Variants in ACACA observed in about 807,000 individuals in gnomAD.
ACACA encodes acetyl-CoA carboxylase 1.
Under a neutral mutation model 296.1 loss-of-function variants are expected in ACACA, and 103 were observed. That is an observed-to-expected ratio of 0.35 (90% CI 0.30 to 0.41). The LOEUF is 0.41. Among genes scored for constraint, ACACA ranks in the 10% least tolerant of loss-of-function variants. The pLI is 1.00. For synonymous variants in ACACA, 953 were observed against 1,038.6 expected, an observed-to-expected ratio of 0.92 and a Z score of 1.58; for missense variants, 1,554 against 2,989.7, an observed-to-expected ratio of 0.52 and a Z score of 11.20.
At chr17:37,144,309 C>G in intron 45 of ACACA, 1 of 552,466 alleles carries the variant, frequency 1.8e-6, no homozygotes, top group East Asian at 3.6e-5. Flanking sequence ...TGTTTTTCCA[C>G]AGCGAGGCAC....
At chr17:37,108,716 G>A (rs752450424) in intron 52 of ACACA, among the ~76,000 whole-genome samples, 4 of 152,140 alleles carry the variant, frequency 2.6e-5, no homozygotes, top group Non-Finnish European at 5.9e-5. Context: ...CAGTCAATCA[G>A]TTGTGCGCTG....
At chr17:37,226,598 A>T in intron 25 of ACACA, 146 bp from the exon 26 acceptor site, 1 of 776,588 alleles carries the variant, frequency 1.3e-6, no homozygotes, top group Non-Finnish European at 2.2e-6. Context: ...TTTTACCCTA[A>T]ACAATGTGGT....
chr17:37,294,459 G>A (rs559439128), intron 3 of ACACA, among the ~76,000 whole-genome samples: 2 of 152,268 alleles, frequency 1.3e-5, no homozygotes, highest in South Asian at 2.1e-4. Flanking sequence ...AACACATCTA[G>A]ACATGTATAG....
intron 2 of ACACA, among the ~76,000 whole-genome samples, chr17:37,336,943 A>T (rs183699768): frequency 6.6e-6 from 1 of 152,304 alleles, no homozygotes; most frequent in African/African-American, 2.4e-5. Flanking sequence ...CAGTTTACTC[A>T]CTTACAGAGA....
chr17:37,165,118 C>G (rs1383797933), intron 41 of ACACA, among the ~76,000 whole-genome samples: 1 of 148,462 alleles, frequency 6.7e-6, no homozygotes, highest in Non-Finnish European at 1.5e-5. Context: ...CGCCTCCCCA[C>G]CCCGCCCCGC....
chr17:37,109,724 G>A (rs1424053970), intron 52 of ACACA, among the ~76,000 whole-genome samples: 1 of 152,194 alleles, frequency 6.6e-6, no homozygotes, highest in Non-Finnish European at 1.5e-5. Context: ...GAAGGTGGGA[G>A]CGACATCACT....
intron 54 of ACACA, among the ~76,000 whole-genome samples, chr17:37,096,119 C>T (rs1309597616): frequency 6.6e-6 from 1 of 152,210 alleles, no homozygotes; most frequent in South Asian, 2.1e-4. Flanking sequence ...CATCTCCTGC[C>T]GATCACAACC....
chr17:37,381,697 A>T (rs4470189), intron 1 of ACACA, among the ~76,000 whole-genome samples: 1 of 138,716 alleles, frequency 7.2e-6, no homozygotes, highest in South Asian at 2.2e-4. Context: ...GTGCGATCTC[A>T]GCTCACTGCA....
At chr17:37,346,390 AGGG>A (rs2048620302) in intron 1 of ACACA, among the ~76,000 whole-genome samples, 1 of 142,444 alleles carries the variant, frequency 7.0e-6, no homozygotes, top group Admixed American at 7.3e-5. Context: ...AGATGGGAGG[AGGG>A]AAACGATAAG....
chr17:37,393,609 G>T (rs946612825), intron 1 of ACACA, among the ~76,000 whole-genome samples: 3 of 152,024 alleles, frequency 2.0e-5, no homozygotes, highest in Non-Finnish European at 4.4e-5. Flanking sequence ...TTGGGAGGCC[G>T]AGGTGGGCAG....
At chr17:37,130,043 G>T in intron 46 of ACACA, 32 bp downstream of exon 46, 1 of 1,613,856 alleles carries the variant, frequency 6.2e-7, no homozygotes, top group Non-Finnish European at 8.5e-7. Flanking sequence ...AGGCTCTGCA[G>T]GCCATGTCAG....
chr17:37,330,493 G>T, intron 2 of ACACA, 68 bp from the exon 3 acceptor site: 1 of 1,589,238 alleles, frequency 6.3e-7, no homozygotes, highest in Non-Finnish European at 8.6e-7. Context: ...GTCAGCCAGA[G>T]GTTATATCTA....
In ACACA at chr17:37,336,190, C is replaced by T. The variant is rs1449830999; in HGVS notation, c.85+3614G>A. Reference sequence around the variant, plus strand: ...TAAAATCTACCACGGACCCCTGGACCGGCCTGCTAGCCCATGCTCTGATGT... The same window carrying T: ...TAAAATCTACCACGGACCCCTGGACTGGCCTGCTAGCCCATGCTCTGATGT... On this transcript the variant is annotated intron_variant, in intron 2 of 55. Transcript: ENST00000616317. Among the ~76,000 whole-genome samples, 5 of 152,212 alleles carry T rather than the reference C, an allele frequency of 3.3e-5. No individual in the cohort carries two copies. In the South Asian group the frequency reaches 6.2e-4, roughly 19 times the overall value.
chr17:37,157,279 A>G (rs936881107), intron 42 of ACACA, among the ~76,000 whole-genome samples: 5 of 152,210 alleles, frequency 3.3e-5, no homozygotes, highest in African/African-American at 1.2e-4. Context: ...CAGCAAGTAC[A>G]AATGCACTGA....
At chr17:37,114,298 T>C (rs974646527) in intron 50 of ACACA, among the ~76,000 whole-genome samples, 2 of 152,166 alleles carry the variant, frequency 1.3e-5, no homozygotes, top group East Asian at 1.9e-4. Context: ...TCACAGCTCC[T>C]TGGGAGGCTG....
intron 1 of ACACA, chr17:37,369,359 G>C (rs369805056): frequency 1.3e-5 from 2 of 152,302 alleles, no homozygotes; most frequent in African/African-American, 4.8e-5. Context: ...AGCTGGGCAA[G>C]TGATACACGC....
chr17:37,274,630 T>C (rs990510904), intron 8 of ACACA: 3 of 985,152 alleles, frequency 3.0e-6, no homozygotes, highest in Non-Finnish European at 3.6e-6. Context: ...ACCTTCAAAC[T>C]GTGTGTTCAG....
chr17:37,143,715 C>A, intron 45 of ACACA: 3 of 909,628 alleles, frequency 3.3e-6, no homozygotes, highest in Non-Finnish European at 1.8e-6. Flanking sequence ...TCTTCCTCCT[C>A]CTCATCCTCT....
At chr17:37,249,689 C>T (rs531838607) in intron 16 of ACACA, among the ~76,000 whole-genome samples, 1 of 152,278 alleles carries the variant, frequency 6.6e-6, no homozygotes, top group East Asian at 1.9e-4. Flanking sequence ...AAAAAATATA[C>T]TGTTGAGTTA....
Sources: gnomAD v4.1 joint callset for allele counts (sites outside exome capture counted in the v4.1 genomes callset) on GRCh38, gnomAD v4.1.1 for gene constraint, MANE v1.5 for transcripts, NCBI Gene and HGNC (gene_info 2026-07-23, HGNC 2026-07-21) for gene names.